CELF3: variants seen among roughly 807,000 people sequenced by gnomAD.
The protein encoded by CELF3 is CUGBP Elav-like family member 3, also known as CAG repeat domain.
In CELF3, 26 loss-of-function variants were observed where a neutral mutation model predicts 59.6. That is an observed-to-expected ratio of 0.44 (90% confidence interval 0.32 to 0.61). The LOEUF is 0.61. Ranked by LOEUF, CELF3 falls within the 20% of genes least tolerant of loss-of-function variation. CELF3 has a pLI of 0.06. For synonymous variants in CELF3, 245 were observed against 250.7 expected (o/e 0.98, Z 0.22); for missense variants, 387 against 627.2 (o/e 0.62, Z 4.09).
chr1:151,709,452 C>A lies in CELF3; in HGVS notation c.278-104G>T. The A allele has an allele frequency of 5.3e-6, 8 of 1,501,220 alleles. No homozygotes were observed. The highest frequency in any genetic ancestry group is 7.3e-6 in the Non-Finnish European group (8 of 1,092,546). The allele number at this position is 1,501,220 out of a possible 1,614,324, so 93.0% of individuals were successfully genotyped here. On this transcript the variant is annotated intron_variant, in intron 3 of 12. Transcript: ENST00000290583. The surrounding 1 kb of genome is among the most constrained non-coding windows in gnomAD (Gnocchi z 4.9). ...GAGCTCCTAACACTACTTCTGCTAC[C>A]CTTAGGGTCCAATGGCTGTAGGGGC... is the stretch of plus-strand genomic sequence containing the variant.
In CELF3 at chr1:151,704,951, G is replaced by A. The variant is rs780246972; in HGVS notation, c.*10+80C>T. The A allele has an allele frequency of 6.1e-6, 9 of 1,470,354 alleles. No homozygotes were observed. In the Admixed American group the frequency reaches 1.5e-4, roughly 25 times the overall value. The allele number at this position is 1,470,354 out of a possible 1,614,324, so 91.1% of individuals were successfully genotyped here. A position where few individuals can be genotyped will look rare whatever the true frequency, so the allele number is the denominator to read the frequency against. ...TCCCTGAGGGTGGTGGAGGACAGGG[G>A]TTGGGGGTGTAGTCCAATCGAGGGC... On this transcript the variant is annotated intron_variant, in intron 12 of 12. Transcript: ENST00000290583.
Position 151,709,828 on chromosome 1 carries a change from C to T in CELF3, c.229-37G>A. 6.2e-7 allele frequency: 1 copy of T among 1,604,460 alleles called. No homozygotes were observed. The highest frequency in any genetic ancestry group is 8.5e-7 in the Non-Finnish European group (1 of 1,171,128). Reference sequence around the variant, plus strand: ...AAGAGAAGGCAGCTGCTGGGGACCTCCTCTGAACACCCAAGAGCCCTCCCA... The same window carrying T: ...AAGAGAAGGCAGCTGCTGGGGACCTTCTCTGAACACCCAAGAGCCCTCCCA... On this transcript the variant is annotated intron_variant, in intron 2 of 12. Coordinates refer to ENST00000290583, the MANE Select transcript of CELF3 (RefSeq NM_007185.7). The surrounding 1 kb of genome is among the most constrained non-coding windows in gnomAD (Gnocchi z 4.9).
intron 2 of CELF3, among the ~76,000 whole-genome samples, chr1:151,712,430 C>T (rs1453328940): frequency 1.3e-5 from 2 of 152,192 alleles, no homozygotes; most frequent in African/African-American, 2.4e-5. Context: ...TTGTTCCCGG[C>T]GTCCCAGACC....
rs1385749122 is a variant in CELF3 at position 151,705,147 on chromosome 1, G to A, written c.1292C>T (p.Pro431Leu). The A allele has an allele frequency of 3.1e-6, 5 of 1,613,312 alleles. No individual in the cohort carries two copies. The highest frequency in any genetic ancestry group is 1.1e-5 in the South Asian group (1 of 91,012). The change falls in exon 12 of 13, where the codon CCG becomes CTG. Residue 431 changes from proline (P) to leucine (L), a missense_variant. Around this residue, in one of 3 missense-constraint regions of CELF3, gnomAD observed 48 missense variants for 118.8 expected, o/e 0.40. Transcript: ENST00000290583. This position sits in a 1 kb window ranked among gnomAD's most constrained non-coding sequence, Gnocchi z 5.1. ...KCFGFVSFDN[P>L]ASAQAAIQAM... ...CTGGATGGCAGCCTGGGCACTGGCCGGATTGTCGAAACTCACAAAGCCTGG... is the reference window on the plus strand; with the variant it reads ...CTGGATGGCAGCCTGGGCACTGGCCAGATTGTCGAAACTCACAAAGCCTGG...
At position 151,705,609 on chromosome 1, in the gene CELF3, G is replaced by A. The variant is rs1672439846; in HGVS notation, c.1270+213C>T. ...TTCAGACCTCATGGGACATGAATTT[G>A]GCCAGTTTTTAAGAGAAACGCTGAA... On this transcript the variant is annotated intron_variant, in intron 11 of 12. Transcript: ENST00000290583. This position sits in a 1 kb window ranked among gnomAD's most constrained non-coding sequence, Gnocchi z 5.1. Among the ~76,000 whole-genome samples the A allele has an allele frequency of 6.6e-6, 1 of 152,152 alleles. No individual in the cohort carries two copies. The highest frequency in any genetic ancestry group is 2.4e-5 in the African/African-American group (1 of 41,444).
At chr1:151,715,633 T>C (rs978896464) in intron 1 of CELF3, 14 of 1,487,306 alleles carry the variant, frequency 9.4e-6, no homozygotes, top group Non-Finnish European at 1.3e-5. Flanking sequence ...ATGTCTGGGA[T>C]CCACATCTTT....
chr1:151,703,059 G>C lies in CELF3; in HGVS notation c.*400C>G, dbSNP rs1434738955. 1 of 408,572 alleles carries C rather than the reference G, an allele frequency of 2.4e-6. No individual in the cohort carries two copies. Among genetic ancestry groups the C allele is most frequent in the Non-Finnish European group, 4.9e-6 (1 of 202,210 alleles). 25.3% of individuals were successfully genotyped at this position (408,572 alleles called of 1,614,324 possible). Reference sequence around the variant, plus strand: ...GCTGGGGTGAGGGTGAGCTGGGAGTGTGTGGCAGGCCCCTGCGGCTCTCCT... The same window carrying C: ...GCTGGGGTGAGGGTGAGCTGGGAGTCTGTGGCAGGCCCCTGCGGCTCTCCT... On this transcript the variant is annotated 3_prime_UTR_variant, in exon 13 of 13. Coordinates refer to ENST00000290583, the MANE Select transcript of CELF3 (RefSeq NM_007185.7).
At chr1:151,708,055 GC>G in intron 5 of CELF3, 120 bp from the exon 6 acceptor site, 1 of 1,157,216 alleles carries the variant, frequency 8.6e-7, no homozygotes, top group Non-Finnish European at 1.2e-6. Context: ...TGAGAGGGCG[GC>G]CACCATTTTG....
At chr1:151,706,027 A>G in intron 10 of CELF3, 62 bp from the exon 11 acceptor site, 1 of 1,604,694 alleles carries the variant, frequency 6.2e-7, no homozygotes, top group Non-Finnish European at 8.5e-7. Flanking sequence ...CCCCAGAAGC[A>G]AATGTCCCAG....
At chr1:151,714,191 T>C (rs1377442197) in intron 2 of CELF3, among the ~76,000 whole-genome samples, 4 of 151,992 alleles carry the variant, frequency 2.6e-5, no homozygotes. Flanking sequence ...TCCTCCCTCA[T>C]CTCACAGCCA....
intron 8 of CELF3, 132 bp from the exon 9 acceptor site, chr1:151,706,866 G>C: frequency 1.3e-6 from 1 of 743,254 alleles, no homozygotes; most frequent in Admixed American, 3.0e-5. Flanking sequence ...TGTGAAGTGA[G>C]AAGGCAGAAA....
At chr1:151,712,441 A>G (rs1018353325) in intron 2 of CELF3, among the ~76,000 whole-genome samples, 1 of 151,912 alleles carries the variant, frequency 6.6e-6, no homozygotes, top group Non-Finnish European at 1.5e-5. Flanking sequence ...GTCCCAGACC[A>G]CTCACAGGTT....
chr1:151,706,031 G>A, intron 10 of CELF3, 66 bp from the exon 11 acceptor site: 2 of 1,601,420 alleles, frequency 1.2e-6, no homozygotes, highest in Non-Finnish European at 1.7e-6. Context: ...AGAAGCAAAT[G>A]TCCCAGGGAA....
intron 2 of CELF3, among the ~76,000 whole-genome samples, chr1:151,713,298 G>T (rs1436397309): frequency 6.6e-6 from 1 of 152,208 alleles, no homozygotes; most frequent in Non-Finnish European, 1.5e-5. Context: ...CCAGGATGGA[G>T]CTCTGCCTGA....
At chr1:151,712,495 A>G (rs1673108466) in intron 2 of CELF3, among the ~76,000 whole-genome samples, 1 of 152,192 alleles carries the variant, frequency 6.6e-6, no homozygotes, top group East Asian at 1.9e-4. Flanking sequence ...GCAGACCGAC[A>G]GGGAAGGCCC....
chr1:151,710,921 A>G, intron 2 of CELF3: 1 of 436,074 alleles, frequency 2.3e-6, no homozygotes, highest in South Asian at 1.6e-5. Flanking sequence ...TAGTGTCTGA[A>G]AATATTTTGC....
rs116471360 is a variant in CELF3, at chr1:151,706,091, A to C, written c.1127-126T>G. 5,847 of 1,590,596 alleles carry C rather than the reference A, an allele frequency of 3.7e-3. 161 individuals are homozygous for C. In the African/African-American group the frequency reaches 0.065, roughly 18 times the overall value. ...GTCCCAGTCCTTGACAGTGTGGGCC[A>C]AGTCTCCGGCCACTCCCTCCCCACT... On this transcript the variant is annotated intron_variant, in intron 10 of 12. Coordinates refer to ENST00000290583, the MANE Select transcript of CELF3 (RefSeq NM_007185.7).
chr1:151,709,467 G>A lies in CELF3; in HGVS notation c.278-119C>T. On this transcript the variant is annotated intron_variant, in intron 3 of 12. Coordinates refer to ENST00000290583, the MANE Select transcript of CELF3 (RefSeq NM_007185.7). The surrounding 1 kb of genome is among the most constrained non-coding windows in gnomAD (Gnocchi z 4.9). ...CTTCTGCTACCCTTAGGGTCCAATG[G>A]CTGTAGGGGCTGATGGTTGGGGAAT... The A allele has an allele frequency of 1.5e-6, 2 of 1,378,690 alleles. No homozygotes were observed. Among genetic ancestry groups the A allele is most frequent in the South Asian group, 1.3e-5 (1 of 79,930 alleles). 85.4% of individuals were successfully genotyped at this position (1,378,690 alleles called of 1,614,324 possible). A position where few individuals can be genotyped will look rare whatever the true frequency, so the allele number is the denominator to read the frequency against.
Position 151,702,725 on chromosome 1 carries a change from G to C in CELF3, c.*734C>G, listed in dbSNP as rs1042911782. On this transcript the variant is annotated 3_prime_UTR_variant, in exon 13 of 13. Transcript: ENST00000290583. ...CCCAGAAAGAGAGATGGCAGCGTCC[G>C]GGCCAGGCCGGGCGGGCTGGATAAC... 1 of 156,852 alleles carries C rather than the reference G, an allele frequency of 6.4e-6. No individual in the cohort carries two copies. Among genetic ancestry groups the C allele is most frequent in the Non-Finnish European group, 1.4e-5 (1 of 70,340 alleles). The allele number at this position is 156,852 out of a possible 1,614,324, so 9.7% of individuals were successfully genotyped here.
Sources: gnomAD v4.1 joint callset for allele counts (sites outside exome capture counted in the v4.1 genomes callset) on GRCh38, gnomAD v4.1.1 for gene constraint, gnomAD v4.1.1 regional missense constraint, Gnocchi (gnomAD v3.1) non-coding constraint, MANE v1.5 for transcripts, NCBI Gene and HGNC (gene_info 2026-07-23, HGNC 2026-07-21) for gene names.